The following NFYA variants were observed in gnomAD, a reference collection of about 807,000 sequenced individuals.
The protein encoded by NFYA is CAAT-box DNA binding protein subunit A.
In NFYA, 28 loss-of-function variants were observed where a neutral mutation model predicts 52.8. The observed-to-expected ratio is 0.53, with a 90% CI of 0.39 to 0.73. The LOEUF (loss-of-function observed/expected upper bound fraction) is 0.73, where lower values mean the gene tolerates loss of function less well. Ranked by LOEUF, NFYA falls within the 30% of genes least tolerant of loss-of-function variation. NFYA has a pLI of 0.00. For synonymous variants in NFYA, 150 were observed against 150.7 expected, an observed-to-expected ratio of 1.00 and a Z score of 0.03; for missense variants, 234 against 427.0, an observed-to-expected ratio of 0.55 and a Z score of 3.98.
intron 4 of NFYA, among the ~76,000 whole-genome samples, chr6:41,088,687 T>C (rs1015844458): frequency 2.6e-5 from 4 of 151,590 alleles, no homozygotes; most frequent in Non-Finnish European, 4.4e-5. Context: ...CAGGCTCAAA[T>C]GATCCTCCCA....
Position 41,098,296 on chromosome 6 carries a change from TAG to T in NFYA, c.*890_*891del, listed in dbSNP as rs1198897764. ...AATACTCCTAAAGGAAGGGCCAAACTAGAGATTTTCAATCATAGACTTTGTGA... is the reference window on the plus strand; with the variant it reads ...AATACTCCTAAAGGAAGGGCCAAACTAGATTTTCAATCATAGACTTTGTGA... On this transcript the variant is annotated 3_prime_UTR_variant, in exon 10 of 10. Coordinates refer to ENST00000341376, the MANE Select transcript of NFYA (RefSeq NM_002505.5). 6 of 152,440 alleles carry T rather than the reference TAG, an allele frequency of 3.9e-5. No individual in the cohort carries two copies. Among genetic ancestry groups the T allele is most frequent in the African/African-American group, 1.4e-4 (6 of 41,436 alleles). 9.4% of individuals were successfully genotyped at this position (152,440 alleles called of 1,614,324 possible). A position where few individuals can be genotyped will look rare whatever the true frequency, so the allele number is the denominator to read the frequency against.
intron 3 of NFYA, among the ~76,000 whole-genome samples, chr6:41,083,345 T>G (rs1378971354): frequency 6.6e-6 from 1 of 152,202 alleles, no homozygotes; most frequent in Non-Finnish European, 1.5e-5. Flanking sequence ...AATAACCATG[T>G]GGATATTATA....
At chr6:41,081,517 G>A (rs1252909257) in intron 3 of NFYA, among the ~76,000 whole-genome samples, 1 of 152,070 alleles carries the variant, frequency 6.6e-6, no homozygotes, top group East Asian at 1.9e-4. Flanking sequence ...TTTATTCAGG[G>A]CTCACACTCT....
intron 8 of NFYA, among the ~76,000 whole-genome samples, chr6:41,093,573 T>C (rs922221451): frequency 2.4e-4 from 37 of 151,892 alleles, no homozygotes; most frequent in African/African-American, 8.2e-4. Flanking sequence ...CATGTTCAAG[T>C]GATTCTCCTG....
At chr6:41,091,029 C>A (rs1764185738) in intron 6 of NFYA, among the ~76,000 whole-genome samples, 1 of 152,220 alleles carries the variant, frequency 6.6e-6, no homozygotes, top group Admixed American at 6.5e-5. Flanking sequence ...GGATTGAGCC[C>A]AGGCAAGAGC....
chr6:41,094,106 T>C (rs1290123855), intron 8 of NFYA, among the ~76,000 whole-genome samples: 1 of 152,206 alleles, frequency 6.6e-6, no homozygotes, highest in Non-Finnish European at 1.5e-5. Context: ...TGGCCTGTTA[T>C]TAAAGCAGAG....
At chr6:41,080,778 C>G (rs1763883516) in intron 2 of NFYA, 33 bp from the exon 3 acceptor site, 1 of 1,567,574 alleles carries the variant, frequency 6.4e-7, no homozygotes, top group African/African-American at 1.4e-5. Context: ...TCCTTCCTGA[C>G]ATATTTCAAG....
chr6:41,075,422 T>C (rs2114081926), intron 1 of NFYA: 1 of 151,682 alleles, frequency 6.6e-6, no homozygotes, highest in South Asian at 2.1e-4. Context: ...CTAAATACTT[T>C]TGCTTGGCAT....
rs1582043946 is a variant in NFYA, at chr6:41,101,339, T to G, written c.*3929T>G. The stretch of plus-strand genomic sequence containing the variant: ...TGCGGCTTCCTTAGGAAACTTTGAG[T>G]ATCTTCGTTTTAGCGTGGGAGGACA... On this transcript the variant is annotated 3_prime_UTR_variant, in exon 10 of 10. Transcript: ENST00000341376. Among the ~76,000 whole-genome samples, 1 of 152,136 alleles carries G rather than the reference T, an allele frequency of 6.6e-6. No homozygotes were observed. The highest frequency in any genetic ancestry group is 6.5e-5 in the Admixed American group (1 of 15,280).
intron 4 of NFYA, among the ~76,000 whole-genome samples, chr6:41,087,884 A>AT (rs1434981391): frequency 1.3e-5 from 2 of 152,242 alleles, no homozygotes; most frequent in Non-Finnish European, 2.9e-5. Context: ...ATTAAAAAAA[A>AT]GAAAGAAGAT....
In NFYA at chr6:41,097,919, C is replaced by T. The variant is rs41273758; in HGVS notation, c.*509C>T. The T allele has an allele frequency of 4.3e-3, 664 of 153,096 alleles. 13 individuals carry two copies. The South Asian group carries it at 0.06, about 14-fold the overall frequency. The allele number at this position is 153,096 out of a possible 1,614,324, so 9.5% of individuals were successfully genotyped here. The stretch of plus-strand genomic sequence containing the variant: ...GGCAAGGAAGTTCTATCTTGTGATA[C>T]GGAAACAATAAATTCCTGAGATACA... On this transcript the variant is annotated 3_prime_UTR_variant, in exon 10 of 10. Transcript: ENST00000341376.
rs77436031 is a variant in NFYA at position 41,080,505 on chromosome 6, C to T, written c.76-306C>T. 4.0e-3 allele frequency among the ~76,000 whole-genome samples: 613 copies of T among 152,208 alleles called. 11 individuals carry two copies. In the South Asian group the frequency reaches 0.061, roughly 15 times the overall value. ...CTGAGGAGATAAAAAGGGCATTAAACAATTGTGTAAGTAGAAGTGTCAGAT... is the reference window on the plus strand; with the variant it reads ...CTGAGGAGATAAAAAGGGCATTAAATAATTGTGTAAGTAGAAGTGTCAGAT... On this transcript the variant is annotated intron_variant, in intron 2 of 9. Coordinates refer to ENST00000341376, the MANE Select transcript of NFYA (RefSeq NM_002505.5).
At chr6:41,090,082 T>G (rs1387186686) in intron 5 of NFYA, 122 bp from the exon 6 acceptor site, 1 of 654,962 alleles carries the variant, frequency 1.5e-6, no homozygotes, top group Non-Finnish European at 2.6e-6. Flanking sequence ...TGCACTGCAC[T>G]CCAGCCTGGC....
Position 41,089,665 on chromosome 6 carries a change from C to A in NFYA, c.396C>A (p.Ile132=), listed in dbSNP as rs1561854633. The A allele has an allele frequency of 7.4e-6, 12 of 1,612,700 alleles. No homozygotes were observed. The highest frequency in any genetic ancestry group is 9.3e-6 in the Non-Finnish European group (11 of 1,180,026). ...VQGQQGQTQQ[I]IIQQPQTAVT... ...GCCAGCAGGGCCAGACCCAGCAGAT[C>A]ATCATCCAGCAGCCCCAGACGGCTG... Residue 132 remains isoleucine, a synonymous_variant, in exon 5 of 10, where the codon ATC becomes ATA. Transcript: ENST00000341376.
chr6:41,085,067 A>G lies in NFYA; in HGVS notation c.309+875A>G, dbSNP rs907295604. On this transcript the variant is annotated intron_variant, in intron 4 of 9. Coordinates refer to ENST00000341376, the MANE Select transcript of NFYA (RefSeq NM_002505.5). ...CTCATCGAGATGGCAAAAAAAAACA[A>G]AAAGTCATTATATCCACTGTTAGGA... 3.3e-5 allele frequency among the ~76,000 whole-genome samples: 5 copies of G among 152,240 alleles called. 1 individual carries two copies. Among genetic ancestry groups the G allele is most frequent in the Admixed American group, 3.3e-4 (5 of 15,280 alleles).
intron 3 of NFYA, among the ~76,000 whole-genome samples, chr6:41,083,644 C>T (rs561481753): frequency 1.3e-4 from 20 of 152,314 alleles, no homozygotes; most frequent in African/African-American, 4.8e-4. Context: ...TACTCAACCA[C>T]CATCACCACC....
intron 4 of NFYA, among the ~76,000 whole-genome samples, chr6:41,088,572 A>G (rs1764111879): frequency 6.6e-6 from 1 of 151,930 alleles, no homozygotes; most frequent in African/African-American, 2.4e-5. Flanking sequence ...AGTAGAATAC[A>G]TTTTGGGTTT....
In NFYA at chr6:41,097,452, A is replaced by G. The variant is rs368174672; in HGVS notation, c.*42A>G. ...GGAGCTGATCAAGGTCATGTTTCTC[A>G]CTGTTCCAGGAAATTGATCAACTCT... On this transcript the variant is annotated 3_prime_UTR_variant, in exon 10 of 10. Coordinates refer to ENST00000341376, the MANE Select transcript of NFYA (RefSeq NM_002505.5). 19 of 1,599,222 alleles carry G rather than the reference A, an allele frequency of 1.2e-5. No individual in the cohort carries two copies. The East Asian group carries it at 1.6e-4, about 13-fold the overall frequency.
rs1377655832 is a variant in NFYA at position 41,091,575 on chromosome 6, G to A, written c.595G>A (p.Ala199Thr). The stretch of plus-strand genomic sequence containing the variant: ...GATCACTATCCCAGCAGCCAGTTTG[G>A]CAGGAGCACAGATTGTTCAAACAGG... ...GMITIPAASLAGAQIVQTGAN... is the reference protein window; with the variant it reads ...GMITIPAASLTGAQIVQTGAN... The change falls in exon 7 of 10, where the codon GCA becomes ACA. Residue 199 changes from alanine (A) to threonine (T), a missense_variant. Coordinates refer to ENST00000341376, the MANE Select transcript of NFYA (RefSeq NM_002505.5). The A allele has an allele frequency of 6.8e-6, 11 of 1,614,048 alleles. No homozygotes were observed. Among genetic ancestry groups the A allele is most frequent in the African/African-American group, 1.3e-5 (1 of 74,908 alleles).
Sources: gnomAD v4.1 joint callset for allele counts (sites outside exome capture counted in the v4.1 genomes callset) on GRCh38, gnomAD v4.1.1 for gene constraint, MANE v1.5 for transcripts, NCBI Gene and HGNC (gene_info 2026-07-23, HGNC 2026-07-21) for gene names.